Variants in BPIFC observed in about 807,000 individuals in gnomAD.
BPIFC encodes BPI fold containing family C.
In BPIFC, 60 loss-of-function variants were observed where a neutral mutation model predicts 57.6. The ratio of observed to expected loss-of-function variants is 1.04; its 90% CI spans 0.85 to 1.29. BPIFC has a LOEUF of 1.29. BPIFC is among the 50% of genes most tolerant of loss of function. The probability of loss-of-function intolerance (pLI) is 0.00; values close to 1 mark genes in which losing one functional copy is unlikely to be tolerated. For synonymous variants in BPIFC, 243 were observed against 224.5 expected (o/e 1.08, Z -0.74); for missense variants, 581 against 600.5 (o/e 0.97, Z 0.34).
At chr22:32,421,057 T>C (rs955239771) in intron 13 of BPIFC, among the ~76,000 whole-genome samples, 7 of 152,190 alleles carry the variant, frequency 4.6e-5, no homozygotes, top group Admixed American at 4.6e-4. Context: ...GAGCACTTGC[T>C]GTAGGTCCAA....
chr22:32,431,374 C>A lies in BPIFC; in HGVS notation c.1190G>T (p.Arg397Ile). The A allele has an allele frequency of 6.2e-7, 1 of 1,612,126 alleles. No individual in the cohort carries two copies. Among genetic ancestry groups the A allele is most frequent in the East Asian group, 2.2e-5 (1 of 44,884 alleles). The change falls in exon 13 of 17, where the codon AGA becomes ATA. Residue 397 changes from arginine (R) to isoleucine (I), a missense_variant. By Grantham distance (97) the Arg-to-Ile change is moderately conservative. Coordinates refer to ENST00000300399, the MANE Select transcript of BPIFC (RefSeq NM_174932.3). ...GTTCAGAGACAAGGAGCAGACCAGT[C>A]TTTGTCCCAAAATAACCAGGCCAAC... ...TSVGLVILGQ[R>I]LVCSLSLNRF...
intron 4 of BPIFC, among the ~76,000 whole-genome samples, chr22:32,451,837 T>C (rs1025381015): frequency 6.6e-6 from 1 of 152,218 alleles, no homozygotes; most frequent in Non-Finnish European, 1.5e-5. Context: ...TTTGTAAATA[T>C]ATATTTAATG....
At position 32,457,354 on chromosome 22, in the gene BPIFC, T is replaced by A; in HGVS notation, c.33A>T (p.Gly11=). Residue 11 remains glycine (G), a synonymous_variant, in exon 3 of 17, where the codon GGA becomes GGT. Transcript: ENST00000300399. ...CATAGAGATTCCACAGGAGGAAACA[T>A]CCCCAGAGGACTGGGATTGTCTTTG... MCTKTIPVLW[G]CFLLWNLYVS... 1 of 1,610,266 alleles carries A rather than the reference T, an allele frequency of 6.2e-7. No homozygotes were observed. Among genetic ancestry groups the A allele is most frequent in the Non-Finnish European group, 8.5e-7 (1 of 1,178,872 alleles).
chr22:32,414,790 T>C (rs1933622371), intron 16 of BPIFC, among the ~76,000 whole-genome samples: 1 of 152,180 alleles, frequency 6.6e-6, no homozygotes, highest in South Asian at 2.1e-4. Context: ...TGAGCCACCA[T>C]GCCCAGCTGA....
At position 32,437,859 on chromosome 22, in the gene BPIFC, A is replaced by G. The variant is rs534536157; in HGVS notation, c.656-8T>C. 5.5e-5 allele frequency: 86 copies of G among 1,571,632 alleles called. No individual in the cohort carries two copies. In the East Asian group the frequency reaches 9.0e-4, roughly 16 times the overall value. On this transcript the variant is annotated splice_polypyrimidine_tract_variant and splice_region_variant and intron_variant, in intron 8 of 16. Coordinates refer to ENST00000300399, the MANE Select transcript of BPIFC (RefSeq NM_174932.3). The stretch of plus-strand genomic sequence containing the variant: ...TGTCAATCTTGGTTAAAACTAAATA[A>G]CCAACAAAGAAAAAAGAAAATCCAT...
chr22:32,460,657 A>G (rs1568963315), intron 2 of BPIFC, among the ~76,000 whole-genome samples: 1 of 152,190 alleles, frequency 6.6e-6, no homozygotes, highest in Non-Finnish European at 1.5e-5. Flanking sequence ...GCCTGCAGAA[A>G]CCGTGCATAT....
intron 4 of BPIFC, among the ~76,000 whole-genome samples, chr22:32,451,772 A>G (rs113126456): frequency 9.2e-5 from 14 of 152,302 alleles, no homozygotes; most frequent in Middle Eastern, 3.4e-3. Flanking sequence ...ATGATATTGT[A>G]CAATTCTTCC....
At chr22:32,419,553 C>T in intron 13 of BPIFC, 149 bp from the exon 14 acceptor site, 1 of 776,698 alleles carries the variant, frequency 1.3e-6, no homozygotes, top group Non-Finnish European at 2.0e-6. Context: ...CCTGTAATCC[C>T]AGCATTTTGG....
intron 7 of BPIFC, among the ~76,000 whole-genome samples, chr22:32,443,602 G>A (rs1362651972): frequency 1.3e-5 from 2 of 152,136 alleles, no homozygotes; most frequent in African/African-American, 4.8e-5. Flanking sequence ...TTTAGGAAGG[G>A]GCAGAGGTAT....
chr22:32,457,687 G>A (rs376528939), intron 2 of BPIFC, among the ~76,000 whole-genome samples: 4 of 152,178 alleles, frequency 2.6e-5, no homozygotes, highest in African/African-American at 9.6e-5. Flanking sequence ...GTGTAGTGTT[G>A]ACCTACACAT....
chr22:32,445,502 A>G lies in BPIFC; in HGVS notation c.594+133T>C. The G allele has an allele frequency of 3.2e-6, 3 of 940,266 alleles. No homozygotes were observed. In the South Asian group the frequency reaches 4.3e-5, roughly 13 times the overall value. The allele number at this position is 940,266 out of a possible 1,614,324, so 58.2% of individuals were successfully genotyped here. On this transcript the variant is annotated intron_variant, in intron 7 of 16. Transcript: ENST00000300399. The stretch of plus-strand genomic sequence containing the variant: ...CAGTGAGCGGAGATCGTGCCACTGC[A>G]CTCCAGCCTGGGCGACAGAGCGAGA...
chr22:32,459,429 C>T (rs991960297), intron 2 of BPIFC, among the ~76,000 whole-genome samples: 5 of 151,946 alleles, frequency 3.3e-5, no homozygotes, highest in Admixed American at 2.0e-4. Context: ...TTTGGGAGGC[C>T]GAGGCGGGTG....
At chr22:32,431,239 G>A in intron 13 of BPIFC, 108 bp downstream of exon 13, 2 of 932,546 alleles carry the variant, frequency 2.1e-6, no homozygotes, top group Non-Finnish European at 3.2e-6. Context: ...TCAGCCTCCT[G>A]AGTAGCTGAG....
At position 32,445,083 on chromosome 22, in the gene BPIFC, C is replaced by A. The variant is rs570438328; in HGVS notation, c.594+552G>T. Among the ~76,000 whole-genome samples the A allele has an allele frequency of 2.6e-3, 394 of 152,252 alleles. 2 individuals carry two copies. Among genetic ancestry groups the A allele is most frequent in the African/African-American group, 8.9e-3 (369 of 41,538 alleles). On this transcript the variant is annotated intron_variant, in intron 7 of 16. Transcript: ENST00000300399. ...AATTTGAGAGATGTGCTGTTGCTTTCTTTATCTCTGCATCCCAAGCACCTA... is the reference window on the plus strand; with the variant it reads ...AATTTGAGAGATGTGCTGTTGCTTTATTTATCTCTGCATCCCAAGCACCTA...
chr22:32,435,658 G>T (rs558631958), intron 10 of BPIFC, 46 bp downstream of exon 10: 16 of 1,565,262 alleles, frequency 1.0e-5, no homozygotes, highest in East Asian at 9.0e-5. Context: ...CTTATAAAAA[G>T]GCTGAATGAT....
intron 4 of BPIFC, 54 bp downstream of exon 4, chr22:32,453,329 C>T (rs1447076136): frequency 1.0e-5 from 13 of 1,277,168 alleles, no homozygotes; most frequent in Non-Finnish European, 1.4e-5. Context: ...AGAATTCCTC[C>T]ACTGTTTCCT....
At position 32,436,431 on chromosome 22, in the gene BPIFC, G is replaced by A. The variant is rs535361316; in HGVS notation, c.748-551C>T. 2.6e-5 allele frequency among the ~76,000 whole-genome samples: 4 copies of A among 151,786 alleles called. No individual in the cohort carries two copies. In the East Asian group the frequency reaches 5.8e-4, roughly 22 times the overall value. The stretch of plus-strand genomic sequence containing the variant: ...GGAGGGAAAAGAAGGAGAAGGAGAA[G>A]GAGAAGGAGAAGAAGAAGCATAAGA... On this transcript the variant is annotated intron_variant, in intron 9 of 16. Transcript: ENST00000300399.
At chr22:32,461,837 T>C (rs6518780) in intron 1 of BPIFC, among the ~76,000 whole-genome samples, 176 bp from the exon 2 acceptor site, 15,053 of 152,066 alleles carry the variant, frequency 0.099, 800 homozygotes, top group South Asian at 0.12. Context: ...TGTAAATGGA[T>C]GTGTTATGCC....
In BPIFC at chr22:32,414,362, G is replaced by A; in HGVS notation, c.1465C>T (p.His489Tyr). 1.9e-6 allele frequency: 3 copies of A among 1,613,958 alleles called. No homozygotes were observed. The highest frequency in any genetic ancestry group is 2.5e-6 in the Non-Finnish European group (3 of 1,179,948). The change falls in exon 17 of 17, where the codon CAC (histidine) becomes TAC (tyrosine). Residue 489 changes from histidine to tyrosine, a missense_variant. His to Tyr is a moderately conservative substitution (Grantham distance 83). Coordinates refer to ENST00000300399, the MANE Select transcript of BPIFC (RefSeq NM_174932.3). ...ETSSKQQPSF[H>Y]VWEGLNLISR... The stretch of plus-strand genomic sequence containing the variant: ...ATCAGGTTCAGACCTTCCCATACGT[G>A]GAAACTTGGCTGCTGCTTTGAGGAT...
Sources: gnomAD v4.1 joint callset for allele counts (sites outside exome capture counted in the v4.1 genomes callset) on GRCh38, gnomAD v4.1.1 for gene constraint, MANE v1.5 for transcripts, NCBI Gene and HGNC (gene_info 2026-07-23, HGNC 2026-07-21) for gene names.